MGAT4C: variants seen among roughly 807,000 people sequenced by gnomAD.
MGAT4C encodes alpha-1,3-mannosyl-glycoprotein 4-beta-N-acetylglucosaminyltransferase C.
MGAT4C carries 19 observed loss-of-function variants against 40.1 expected under a neutral mutation model. The observed-to-expected ratio is 0.47, with a 90% CI of 0.33 to 0.70. The LOEUF (loss-of-function observed/expected upper bound fraction) is 0.70, where lower values mean the gene tolerates loss of function less well. MGAT4C is among the 30% of genes least tolerant of loss of function. The probability of loss-of-function intolerance (pLI) is 0.02; values close to 1 mark genes in which losing one functional copy is unlikely to be tolerated. For missense variants in MGAT4C, 491 were observed against 563.2 expected, an observed-to-expected ratio of 0.87 and a Z score of 1.30; for synonymous variants, 181 against 187.1, an observed-to-expected ratio of 0.97 and a Z score of 0.27.
rs77889014 is a variant in MGAT4C at position 86,759,765 on chromosome 12, T to G, written c.-261-32524A>C. ...TGTGTTGCTGTTGAATTATTTGACTTCCTTATATATTGAATGTTAATATTT... is the reference window on the plus strand; with the variant it reads ...TGTGTTGCTGTTGAATTATTTGACTGCCTTATATATTGAATGTTAATATTT... On this transcript the variant is annotated intron_variant, in intron 1 of 7. Coordinates refer to the MGAT4C transcript ENST00000548651. Among the ~76,000 whole-genome samples the G allele has an allele frequency of 0.021, 3,146 of 152,202 alleles. 241 individuals carry two copies. In the East Asian group the frequency reaches 0.26, roughly 13 times the overall value.
intron 1 of MGAT4C, among the ~76,000 whole-genome samples, chr12:86,190,731 T>A (rs1889298875): frequency 6.6e-6 from 1 of 152,070 alleles, no homozygotes; most frequent in South Asian, 2.1e-4. Context: ...TAACGTGTCT[T>A]TTTTTGGTCA....
chr12:86,678,739 T>C (rs1476989849), intron 2 of MGAT4C, among the ~76,000 whole-genome samples: 12 of 152,098 alleles, frequency 7.9e-5, no homozygotes, highest in Non-Finnish European at 1.6e-4. Flanking sequence ...TTCATCCATG[T>C]CCCTACAAAG....
intron 2 of MGAT4C, among the ~76,000 whole-genome samples, chr12:86,637,174 G>C (rs889083714): frequency 5.3e-5 from 8 of 151,822 alleles, no homozygotes; most frequent in African/African-American, 1.9e-4. Context: ...ATTCCCATGG[G>C]CAATAGCCTC....
chr12:86,755,775 T>C (rs865893890), intron 1 of MGAT4C, among the ~76,000 whole-genome samples: 1 of 151,722 alleles, frequency 6.6e-6, no homozygotes, highest in East Asian at 2.0e-4. Context: ...AGCCTCTGAG[T>C]AGCTGGGACT....
intron 2 of MGAT4C, among the ~76,000 whole-genome samples, chr12:86,642,182 C>G (rs1221054854): frequency 6.6e-6 from 1 of 151,666 alleles, no homozygotes; most frequent in Non-Finnish European, 1.5e-5. Context: ...ATTATATAGA[C>G]AAGAATTTGA....
chr12:86,674,959 T>C (rs1565918073), intron 2 of MGAT4C, among the ~76,000 whole-genome samples: 1 of 152,146 alleles, frequency 6.6e-6, no homozygotes, highest in East Asian at 1.9e-4. Context: ...CAGGGATATA[T>C]ATAAATATTT....
intron 4 of MGAT4C, among the ~76,000 whole-genome samples, chr12:86,280,224 C>A (rs1953181318): frequency 6.6e-6 from 1 of 151,932 alleles, no homozygotes; most frequent in South Asian, 2.1e-4. Flanking sequence ...TTGTCCAATG[C>A]TGAAAGTGAG....
chr12:86,198,281 A>G (rs995233938), intron 1 of MGAT4C, among the ~76,000 whole-genome samples: 6 of 152,218 alleles, frequency 3.9e-5, no homozygotes, highest in African/African-American at 1.4e-4. Context: ...TCATTTTATC[A>G]GTAGAGTCTG....
intron 2 of MGAT4C, among the ~76,000 whole-genome samples, chr12:86,482,771 G>C (rs1378215769): frequency 6.6e-6 from 1 of 152,102 alleles, no homozygotes; most frequent in Non-Finnish European, 1.5e-5. Flanking sequence ...TGAAATTATA[G>C]TCATATATGA....
At chr12:86,276,245 T>C (rs78950698) in intron 4 of MGAT4C, among the ~76,000 whole-genome samples, 2,272 of 152,234 alleles carry the variant, frequency 0.015, 31 homozygotes, top group African/African-American at 0.036. Flanking sequence ...TATTGAAAAA[T>C]ATGTACTTTA....
intron 4 of MGAT4C, among the ~76,000 whole-genome samples, chr12:86,287,009 T>C (rs1339683849): frequency 6.6e-6 from 1 of 152,192 alleles, no homozygotes; most frequent in Non-Finnish European, 1.5e-5. Context: ...TTAAGGGTGA[T>C]TCCATATCTT....
chr12:85,989,550 C>T lies in MGAT4C; in HGVS notation c.-4G>A. ...TCATTTGATGAAATTTAAACATTCT[C>T]TTCTGTGGAAAAGAGACACAGAATT... On this transcript the variant is annotated splice_region_variant and 5_prime_UTR_variant, in exon 3 of 5. Transcript: ENST00000611864. 1 of 1,587,960 alleles carries T rather than the reference C, an allele frequency of 6.3e-7. No individual in the cohort carries two copies. Among genetic ancestry groups the T allele is most frequent in the Non-Finnish European group, 8.6e-7 (1 of 1,167,872 alleles).
chr12:86,171,283 C>T (rs905533364), intron 1 of MGAT4C, among the ~76,000 whole-genome samples: 5 of 152,178 alleles, frequency 3.3e-5, no homozygotes, highest in East Asian at 1.9e-4. Context: ...GCAGGAGAAT[C>T]GCTTGAACCC....
chr12:86,346,557 AT>A (rs1955037821), intron 3 of MGAT4C, among the ~76,000 whole-genome samples: 1 of 152,196 alleles, frequency 6.6e-6, no homozygotes, highest in South Asian at 2.1e-4. Flanking sequence ...ACAAACCACA[AT>A]TTGTTTAACT....
intron 1 of MGAT4C, among the ~76,000 whole-genome samples, chr12:86,743,146 G>GTGTA (rs1951100379): frequency 1.6e-5 from 2 of 126,828 alleles, no homozygotes; most frequent in African/African-American, 5.9e-5. Flanking sequence ...GTGTGTGTGT[G>GTGTA]TATAGAAGTG....
chr12:86,203,118 G>A (rs369871203), intron 1 of MGAT4C, among the ~76,000 whole-genome samples: 110 of 151,918 alleles, frequency 7.2e-4, no homozygotes, highest in African/African-American at 2.4e-3. Context: ...TAAAAGGAGA[G>A]ATAATTTCTT....
chr12:86,038,858 A>G lies in MGAT4C; in HGVS notation c.-7+10816T>C, dbSNP rs1413660630. ...TCTTTAAAATTTGGCATGTTTTTGC[A>G]GTGGCTGGTACCAGTTGATCCTTTC... On this transcript the variant is annotated intron_variant, in intron 2 of 4. Coordinates refer to ENST00000611864, the MANE Select transcript of MGAT4C (RefSeq NM_001351288.2). Among the ~76,000 whole-genome samples the G allele has an allele frequency of 8.0e-5, 12 of 149,978 alleles. 2 individuals carry two copies. Among genetic ancestry groups the G allele is most frequent in the Non-Finnish European group, 1.5e-4 (10 of 66,936 alleles).
chr12:86,268,482 T>C (rs757350650), intron 4 of MGAT4C, among the ~76,000 whole-genome samples: 17 of 151,866 alleles, frequency 1.1e-4, no homozygotes, highest in Non-Finnish European at 1.9e-4. Flanking sequence ...CTTCAGTGAA[T>C]GTATATTGAA....
intron 4 of MGAT4C, among the ~76,000 whole-genome samples, chr12:86,319,624 A>G (rs77634858): frequency 6.6e-6 from 1 of 152,206 alleles, no homozygotes. Flanking sequence ...AGCAAGTGGA[A>G]TGACACTAGG....
Sources: gnomAD v4.1 joint callset for allele counts (sites outside exome capture counted in the v4.1 genomes callset) on GRCh38, gnomAD v4.1.1 for gene constraint, MANE v1.5 for transcripts, NCBI Gene and HGNC (gene_info 2026-07-23, HGNC 2026-07-21) for gene names.